C8orf34: variants seen among roughly 807,000 people sequenced by gnomAD.
C8orf34 encodes chromosome 8 open reading frame 34, also known as uncharacterized protein C8orf34.
Under a neutral mutation model 68.3 loss-of-function variants are expected in C8orf34, and 65 were observed. That is an observed-to-expected ratio of 0.95 (90% CI 0.78 to 1.17). The LOEUF (loss-of-function observed/expected upper bound fraction) is 1.17. Among genes scored for constraint, C8orf34 ranks in the 50% most tolerant of loss-of-function variants. The pLI is 0.00. For synonymous variants in C8orf34, 244 were observed against 241.2 expected (o/e 1.01, Z -0.11); for missense variants, 664 against 655.4 (o/e 1.01, Z -0.14).
chr8:68,454,358 G>A (rs1811463937), intron 3 of C8orf34, among the ~76,000 whole-genome samples: 1 of 151,986 alleles, frequency 6.6e-6, no homozygotes, highest in South Asian at 2.1e-4. Flanking sequence ...TTCTTTAAAT[G>A]CTGGGTTGAA....
rs567813226 is a variant in C8orf34 at position 68,427,920 on chromosome 8, GAA to G, written c.328-11577_328-11576del. Among the ~76,000 whole-genome samples the G allele has an allele frequency of 5.9e-3, 873 of 148,228 alleles. 7 individuals carry two copies. The highest frequency in any genetic ancestry group is 0.021 in the African/African-American group (848 of 40,868). On this transcript the variant is annotated intron_variant, in intron 1 of 13. Coordinates refer to ENST00000518698, the MANE Select transcript of C8orf34 (RefSeq NM_052958.4). ...TTTTTATTATATGCAAACAAAATAA[GAA>G]AGATTATTTCATCCTTATTATATAT...
chr8:68,649,995 G>A (rs1184317308), intron 8 of C8orf34, among the ~76,000 whole-genome samples: 2 of 151,026 alleles, frequency 1.3e-5, no homozygotes, highest in South Asian at 2.1e-4. Context: ...AAAAACTGGC[G>A]ATATACATCT....
intron 7 of C8orf34, among the ~76,000 whole-genome samples, chr8:68,600,336 T>C (rs886912264): frequency 6.6e-6 from 1 of 152,176 alleles, no homozygotes; most frequent in Non-Finnish European, 1.5e-5. Flanking sequence ...TCAGATGGTG[T>C]TGTAATTTTT....
At chr8:68,402,785 T>C (rs1204742154) in intron 1 of C8orf34, among the ~76,000 whole-genome samples, 1 of 152,170 alleles carries the variant, frequency 6.6e-6, no homozygotes, top group African/African-American at 2.4e-5. Flanking sequence ...TTTGATATGA[T>C]TTTGATTTTT....
intron 9 of C8orf34, among the ~76,000 whole-genome samples, chr8:68,717,669 T>G (rs7018360): frequency 0.025 from 3,807 of 152,168 alleles, 153 homozygotes; most frequent in African/African-American, 0.085. Flanking sequence ...TTTAAATAGA[T>G]CATATATACT....
At chr8:68,445,450 T>C (rs1811080999) in intron 2 of C8orf34, among the ~76,000 whole-genome samples, 1 of 152,160 alleles carries the variant, frequency 6.6e-6, no homozygotes, top group African/African-American at 2.4e-5. Flanking sequence ...AAAAAGATTG[T>C]TCTGTATAAA....
At chr8:68,709,578 C>G (rs1468136499) in intron 9 of C8orf34, among the ~76,000 whole-genome samples, 1 of 152,098 alleles carries the variant, frequency 6.6e-6, no homozygotes. Context: ...CCAATTATGT[C>G]AATGTCACTT....
intron 1 of C8orf34, among the ~76,000 whole-genome samples, chr8:68,336,547 A>G (rs1038644911): frequency 1.3e-5 from 2 of 152,184 alleles, no homozygotes; most frequent in Non-Finnish European, 2.9e-5. Flanking sequence ...ATGACTTTCA[A>G]TAATAGAAAC....
At chr8:68,341,325 G>A (rs942575218) in intron 1 of C8orf34, among the ~76,000 whole-genome samples, 4 of 152,174 alleles carry the variant, frequency 2.6e-5, no homozygotes, top group African/African-American at 9.7e-5. Flanking sequence ...AATTATCAGT[G>A]CTCCTGGAGC....
chr8:68,540,291 T>G (rs2129922993), intron 7 of C8orf34, among the ~76,000 whole-genome samples: 1 of 151,260 alleles, frequency 6.6e-6, no homozygotes, highest in East Asian at 1.9e-4. Context: ...TTGAAGGTCT[T>G]ATTTTAATAA....
intron 8 of C8orf34, among the ~76,000 whole-genome samples, chr8:68,688,623 G>T (rs905686570): frequency 6.6e-6 from 1 of 152,058 alleles, no homozygotes; most frequent in African/African-American, 2.4e-5. Flanking sequence ...AGAAAACGTG[G>T]TACATATACA....
At position 68,708,976 on chromosome 8, in the gene C8orf34, T is replaced by C; in HGVS notation, c.1242-18T>C. ...TTAACATTATGAGATGTTTCAATGATCATTTTTAATTATTTAGGCTTCAAG... is the reference window on the plus strand; with the variant it reads ...TTAACATTATGAGATGTTTCAATGACCATTTTTAATTATTTAGGCTTCAAG... On this transcript the variant is annotated intron_variant, in intron 8 of 13. Coordinates refer to ENST00000518698, the MANE Select transcript of C8orf34 (RefSeq NM_052958.4). 2 of 1,557,336 alleles carry C rather than the reference T, an allele frequency of 1.3e-6. No homozygotes were observed. The highest frequency in any genetic ancestry group is 2.3e-5 in the South Asian group (2 of 88,050).
intron 1 of C8orf34, among the ~76,000 whole-genome samples, chr8:68,381,965 A>G (rs541175079): frequency 1.0e-3 from 157 of 152,286 alleles, no homozygotes; most frequent in African/African-American, 3.3e-3. Context: ...TAATGCACAT[A>G]TATATTTGGT....
At chr8:68,553,884 G>GAA (rs5892149) in intron 7 of C8orf34, among the ~76,000 whole-genome samples, 4 of 151,872 alleles carry the variant, frequency 2.6e-5, no homozygotes, top group East Asian at 1.9e-4. Flanking sequence ...AAAGTTTTAT[G>GAA]AAAAAAAATG....
chr8:68,806,552 C>A (rs893604094), intron 12 of C8orf34, among the ~76,000 whole-genome samples: 3 of 152,014 alleles, frequency 2.0e-5, no homozygotes, highest in Non-Finnish European at 4.4e-5. Flanking sequence ...TTTTTAGTCA[C>A]CTGTTAGATT....
At chr8:68,813,805 C>A (rs535507304) in intron 12 of C8orf34, among the ~76,000 whole-genome samples, 10 of 152,230 alleles carry the variant, frequency 6.6e-5, no homozygotes, top group African/African-American at 2.4e-4. Context: ...ATCGGGCTCA[C>A]TGTTTTCCTC....
At chr8:68,589,457 GAGAA>G (rs10615819) in intron 7 of C8orf34, among the ~76,000 whole-genome samples, 79,515 of 148,236 alleles carry the variant, frequency 0.54, 21,499 homozygotes, top group Non-Finnish European at 0.57. Flanking sequence ...AAGAATGAAA[GAGAA>G]AGAAAGAAGA....
chr8:68,348,577 G>T (rs2129618403), intron 1 of C8orf34, among the ~76,000 whole-genome samples: 1 of 152,148 alleles, frequency 6.6e-6, no homozygotes, highest in East Asian at 1.9e-4. Flanking sequence ...TAATTATATT[G>T]ATTCTTCCTA....
intron 2 of C8orf34, among the ~76,000 whole-genome samples, chr8:68,444,106 G>GGT (rs1176147952): frequency 2.6e-5 from 4 of 151,936 alleles, no homozygotes; most frequent in African/African-American, 9.7e-5. Context: ...CTTTTAGAGA[G>GGT]GTGTATCAAG....
Sources: gnomAD v4.1 joint callset for allele counts (sites outside exome capture counted in the v4.1 genomes callset) on GRCh38, gnomAD v4.1.1 for gene constraint, MANE v1.5 for transcripts, NCBI Gene and HGNC (gene_info 2026-07-23, HGNC 2026-07-21) for gene names.